MPV17L2: variants seen among roughly 807,000 people sequenced by gnomAD.
MPV17L2 encodes MPV17 mitochondrial inner membrane protein like 2, also known as mpv17-like protein 2.
A neutral mutation model predicts 24.2 loss-of-function variants in MPV17L2; 25 were observed. The observed-to-expected ratio is 1.03, with a 90% CI of 0.75 to 1.44. The LOEUF (loss-of-function observed/expected upper bound fraction) is 1.44. Ranked by LOEUF, MPV17L2 falls within the 40% of genes most tolerant of loss-of-function variation. The pLI is 0.00. For missense variants in MPV17L2, 271 were observed against 276.2 expected, an observed-to-expected ratio of 0.98 and a Z score of 0.13; for synonymous variants, 130 against 121.4, an observed-to-expected ratio of 1.07 and a Z score of -0.46.
At chr19:18,193,763 G>C (rs1967464409) in intron 1 of MPV17L2, 101 bp from the exon 2 acceptor site, 1 of 1,527,788 alleles carries the variant, frequency 6.5e-7, no homozygotes, top group South Asian at 1.3e-5. Context: ...GAGGCTCCGG[G>C]ATGGCATTGG....
At chr19:18,194,136 C>T (rs1967470227) in intron 2 of MPV17L2, 102 bp downstream of exon 2, 3 of 1,366,836 alleles carry the variant, frequency 2.2e-6, no homozygotes, top group Non-Finnish European at 3.0e-6. Flanking sequence ...CAATTTGCCC[C>T]CTGTTTGGGT....
chr19:18,196,230 T>A lies in MPV17L2; in HGVS notation c.*175T>A. 1 of 1,530,132 alleles carries A rather than the reference T, an allele frequency of 6.5e-7. No homozygotes were observed. The highest frequency in any genetic ancestry group is 8.8e-7 in the Non-Finnish European group (1 of 1,142,752). 94.8% of individuals were successfully genotyped at this position (1,530,132 alleles called of 1,614,324 possible). ...CCAAGCTCACTTCTGGGACTGAGTT[T>A]CCTCAACCGGAACACACCCATGAAG... is the stretch of plus-strand genomic sequence containing the variant. On this transcript the variant is annotated 3_prime_UTR_variant, in exon 5 of 5. Coordinates refer to ENST00000599612, the MANE Select transcript of MPV17L2 (RefSeq NM_032683.3).
intron 2 of MPV17L2, chr19:18,194,271 A>C: frequency 1.8e-6 from 1 of 543,998 alleles, no homozygotes; most frequent in South Asian, 2.3e-5. Flanking sequence ...GGTTGAGAGC[A>C]TTTCCCAAAG....
chr19:18,193,502 G>A (rs1967460384), intron 1 of MPV17L2, 34 bp downstream of exon 1: 3 of 1,448,458 alleles, frequency 2.1e-6, no homozygotes, highest in Non-Finnish European at 1.8e-6. Context: ...CCTTCACCCC[G>A]GGCGACCTTT....
chr19:18,193,262 T>G lies in MPV17L2; in HGVS notation c.-20T>G. On this transcript the variant is annotated 5_prime_UTR_variant, in exon 1 of 5. Transcript: ENST00000599612. ...CGGCGAAAGCAGAGCGGCGCGCCGG[T>G]TCCTTGGTTCCTGAGGGCGATGGCG... 3 of 1,474,870 alleles carry G rather than the reference T, an allele frequency of 2.0e-6. No homozygotes were observed. The South Asian group carries it at 4.0e-5, about 20-fold the overall frequency. 91.4% of individuals were successfully genotyped at this position (1,474,870 alleles called of 1,614,324 possible).
At chr19:18,194,535 G>A (rs1403925511) in intron 2 of MPV17L2, among the ~76,000 whole-genome samples, 3 of 152,172 alleles carry the variant, frequency 2.0e-5, no homozygotes, top group Non-Finnish European at 2.9e-5. Context: ...CTCCATTGGG[G>A]CACGTGTTTA....
At position 18,195,087 on chromosome 19, in the gene MPV17L2, G is replaced by A; in HGVS notation, c.564+1G>A. ...GTACCTGTCCTACTTGAAGTACCGGGTGAGTGTGGAGGGCATACCAGGCAC... is the reference window on the plus strand; with the variant it reads ...GTACCTGTCCTACTTGAAGTACCGGATGAGTGTGGAGGGCATACCAGGCAC... On this transcript the variant is annotated splice_donor_variant, in intron 4 of 4. Transcript: ENST00000599612. LOFTEE classifies it high-confidence loss of function. 1 of 1,613,902 alleles carries A rather than the reference G, an allele frequency of 6.2e-7. No individual in the cohort carries two copies. Among genetic ancestry groups the A allele is most frequent in the Non-Finnish European group, 8.5e-7 (1 of 1,179,862 alleles).
chr19:18,193,930 G>A lies in MPV17L2; in HGVS notation c.254G>A (p.Arg85His). The change falls in exon 2 of 5, where the codon CGC (arginine) becomes CAC (histidine). Residue 85 changes from arginine to histidine, a missense_variant. Transcript: ENST00000599612. ...CACTACTGGTACTTGTCGCTGGACC[G>A]CCTATTCCCTGCGTCTGGCCTCCGA... ...FLHYWYLSLD[R>H]LFPASGLRGF... The A allele has an allele frequency of 2.5e-6, 4 of 1,614,200 alleles. No individual in the cohort carries two copies. The highest frequency in any genetic ancestry group is 2.5e-6 in the Non-Finnish European group (3 of 1,180,028).
rs1485435570 is a variant in MPV17L2 at position 18,193,386 on chromosome 19, G to T, written c.105G>T (p.Ala35=). 3 of 1,567,246 alleles carry T rather than the reference G, an allele frequency of 1.9e-6. No homozygotes were observed. Among genetic ancestry groups the T allele is most frequent in the African/African-American group, 1.4e-5 (1 of 72,696 alleles). ...TCACTAACACGCTGGGCTGCGGCGC[G>T]CTCATGGCGGCCGGTGATGGCGTGC... ...LLVTNTLGCG[A]LMAAGDGVRQ... Residue 35 remains alanine (A), a synonymous_variant, in exon 1 of 5, where the codon GCG becomes GCT. Coordinates refer to ENST00000599612, the MANE Select transcript of MPV17L2 (RefSeq NM_032683.3).
Position 18,193,483 on chromosome 19 carries a change from C to A in MPV17L2, c.187+15C>A. 6.7e-7 allele frequency: 1 copy of A among 1,482,346 alleles called. No individual in the cohort carries two copies. The highest frequency in any genetic ancestry group is 8.9e-7 in the Non-Finnish European group (1 of 1,125,208). The allele number at this position is 1,482,346 out of a possible 1,614,324, so 91.8% of individuals were successfully genotyped here. ...ACGGCGCTCCGGTGAGGACGCCACGCTGCTTAGTCCTTCACCCCGGGCGAC... is the reference window on the plus strand; with the variant it reads ...ACGGCGCTCCGGTGAGGACGCCACGATGCTTAGTCCTTCACCCCGGGCGAC... On this transcript the variant is annotated intron_variant, in intron 1 of 4. Transcript: ENST00000599612.
Position 18,194,960 on chromosome 19 carries a change from A to G in MPV17L2, c.438A>G (p.Ala146=), listed in dbSNP as rs182504662. Residue 146 remains alanine, a splice_region_variant and synonymous_variant, in exon 4 of 5, where the codon GCA becomes GCG. Coordinates refer to ENST00000599612, the MANE Select transcript of MPV17L2 (RefSeq NM_032683.3). ...TCATCCCCCGCCTCTCCCCGCAGGC[A>G]GACTGGTGCGTGTGGCCTGCTGCGC... ...LREKFWEFYK[A]DWCVWPAAQF... 35 of 1,461,638 alleles carry G rather than the reference A, an allele frequency of 2.4e-5. No individual in the cohort carries two copies. Among genetic ancestry groups the G allele is most frequent in the Middle Eastern group, 1.9e-4 (1 of 5,390 alleles). 90.5% of individuals were successfully genotyped at this position (1,461,638 alleles called of 1,614,324 possible).
rs1001621223 is a variant in MPV17L2 at position 18,196,433 on chromosome 19, A to C, written c.*378A>C. 31 of 1,304,422 alleles carry C rather than the reference A, an allele frequency of 2.4e-5. No homozygotes were observed. The highest frequency in any genetic ancestry group is 3.1e-5 in the Non-Finnish European group (31 of 998,690). 80.8% of individuals were successfully genotyped at this position (1,304,422 alleles called of 1,614,324 possible). ...ATCCAGAGCTCCCTCAGGTCCTGGG[A>C]CTAAGGCGGGGACATGACTGATCCC... On this transcript the variant is annotated 3_prime_UTR_variant, in exon 5 of 5. Coordinates refer to ENST00000599612, the MANE Select transcript of MPV17L2 (RefSeq NM_032683.3).
chr19:18,194,293 A>G, intron 2 of MPV17L2: 1 of 522,482 alleles, frequency 1.9e-6, no homozygotes, highest in Non-Finnish European at 3.5e-6. Flanking sequence ...AGGGGACCAC[A>G]CTCAGTTGAG....
In MPV17L2 at chr19:18,193,477, G is replaced by T; in HGVS notation, c.187+9G>T. On this transcript the variant is annotated intron_variant, in intron 1 of 4. Coordinates refer to ENST00000599612, the MANE Select transcript of MPV17L2 (RefSeq NM_032683.3). ...CGACCCACGGCGCTCCGGTGAGGAC[G>T]CCACGCTGCTTAGTCCTTCACCCCG... 6.6e-7 allele frequency: 1 copy of T among 1,505,426 alleles called. No homozygotes were observed. The highest frequency in any genetic ancestry group is 2.5e-5 in the East Asian group (1 of 40,586). 93.3% of individuals were successfully genotyped at this position (1,505,426 alleles called of 1,614,324 possible). A position where few individuals can be genotyped will look rare whatever the true frequency, so the allele number is the denominator to read the frequency against.
intron 2 of MPV17L2, among the ~76,000 whole-genome samples, chr19:18,194,441 G>C (rs1290971544): frequency 6.6e-6 from 1 of 152,172 alleles, no homozygotes; most frequent in Non-Finnish European, 1.5e-5. Flanking sequence ...GGTATTAATA[G>C]AGGAGTCTCT....
In MPV17L2 at chr19:18,196,054, G is replaced by A; in HGVS notation, c.620G>A (p.Ter207=). The part of the protein sequence containing the change: ...GCVALDTRAD[*] The stretch of plus-strand genomic sequence containing the variant: ...GTGGCCCTGGACACCCGAGCAGACT[G>A]AACTGTCTGCTTCCTGGACCAGATG... The change falls in exon 5 of 5, where the codon TGA becomes TAA. Residue 207 remains the stop codon, a stop_retained_variant. Coordinates refer to ENST00000599612, the MANE Select transcript of MPV17L2 (RefSeq NM_032683.3). 6.2e-7 allele frequency: 1 copy of A among 1,614,126 alleles called. No homozygotes were observed. Among genetic ancestry groups the A allele is most frequent in the Non-Finnish European group, 8.5e-7 (1 of 1,179,990 alleles).
At position 18,196,299 on chromosome 19, in the gene MPV17L2, G is replaced by C. The variant is rs145024558; in HGVS notation, c.*244G>C. The C allele has an allele frequency of 1.3e-3, 1,923 of 1,464,258 alleles. 2 individuals carry two copies. Among genetic ancestry groups the C allele is most frequent in the Middle Eastern group, 4.1e-3 (23 of 5,676 alleles). The allele number at this position is 1,464,258 out of a possible 1,614,324, so 90.7% of individuals were successfully genotyped here. On this transcript the variant is annotated 3_prime_UTR_variant, in exon 5 of 5. Transcript: ENST00000599612. The stretch of plus-strand genomic sequence containing the variant: ...GCCCTTCTCAGCAGGAACCTCATGC[G>C]ACCTGTGACCAAGATGTCCCATCCT...
chr19:18,194,298 G>A (rs1967473380), intron 2 of MPV17L2: 2 of 520,802 alleles, frequency 3.8e-6, no homozygotes, highest in African/African-American at 3.8e-5. Context: ...ACCACACTCA[G>A]TTGAGACATG....
Position 18,195,970 on chromosome 19 carries a change from T to A in MPV17L2, c.565-29T>A. 1.9e-6 allele frequency: 3 copies of A among 1,582,490 alleles called. No homozygotes were observed. In the East Asian group the frequency reaches 6.7e-5, roughly 35 times the overall value. On this transcript the variant is annotated intron_variant, in intron 4 of 4. Coordinates refer to ENST00000599612, the MANE Select transcript of MPV17L2 (RefSeq NM_032683.3). The stretch of plus-strand genomic sequence containing the variant: ...GACAGGGAGGGATGAGCCAGGCTTC[T>A]GACCAGATGCCTTGTCTTGTGTGGA...
Sources: allele counts gnomAD v4.1 joint callset (sites outside exome capture counted in the v4.1 genomes callset), GRCh38; gene constraint gnomAD v4.1.1; transcripts MANE v1.5; gene names NCBI Gene and HGNC (gene_info 2026-07-23, HGNC 2026-07-21).